The following COL15A1 variants were observed in gnomAD, a reference collection of about 807,000 sequenced individuals.
COL15A1 encodes the protein collagen alpha-1(XV) chain.
Under a neutral mutation model 165.9 loss-of-function variants are expected in COL15A1, and 111 were observed. The observed-to-expected ratio is 0.67, with a 90% CI of 0.57 to 0.78. The LOEUF is 0.78. Ranked by LOEUF, COL15A1 falls within the 30% of genes least tolerant of loss-of-function variation. The pLI is 0.00. For synonymous variants in COL15A1, 659 were observed against 674.8 expected, an observed-to-expected ratio of 0.98 and a Z score of 0.36; for missense variants, 1,745 against 1,789.7, an observed-to-expected ratio of 0.98 and a Z score of 0.45.
At chr9:99,040,794 C>T (rs1213477885) in intron 23 of COL15A1, 3 of 624,968 alleles carry the variant, frequency 4.8e-6, no homozygotes, top group Non-Finnish European at 8.0e-6. Flanking sequence ...GCTGGGATTA[C>T]AAGCATGAGC....
At chr9:98,969,641 G>A (rs1167728746) in intron 2 of COL15A1, among the ~76,000 whole-genome samples, 2 of 152,208 alleles carry the variant, frequency 1.3e-5, no homozygotes, top group African/African-American at 4.8e-5. Context: ...CAGCCATAGG[G>A]AGGGAGTCAG....
At chr9:99,069,462 A>G (rs1825950009) in intron 41 of COL15A1, among the ~76,000 whole-genome samples, 1 of 152,168 alleles carries the variant, frequency 6.6e-6, no homozygotes. Context: ...TCACAAAAGA[A>G]GAGGGTGTGA....
At chr9:99,015,137 G>A (rs1482656524) in intron 9 of COL15A1, among the ~76,000 whole-genome samples, 9 of 151,986 alleles carry the variant, frequency 5.9e-5, no homozygotes, top group African/African-American at 1.9e-4. Flanking sequence ...ATTGATTTGG[G>A]GATCCTGAGA....
intron 19 of COL15A1, among the ~76,000 whole-genome samples, chr9:99,035,782 G>A (rs1588526446): frequency 6.6e-6 from 1 of 152,010 alleles, no homozygotes; most frequent in Admixed American, 6.6e-5. Context: ...AAAGCCCTGT[G>A]CTCCTGGCAG....
chr9:98,946,748 A>C (rs1187747768), intron 2 of COL15A1, among the ~76,000 whole-genome samples: 4 of 152,246 alleles, frequency 2.6e-5, no homozygotes, highest in Non-Finnish European at 5.9e-5. Flanking sequence ...GAATGAGCTC[A>C]GTCAATCATC....
intron 2 of COL15A1, among the ~76,000 whole-genome samples, chr9:98,947,566 G>C (rs528763919): frequency 7.9e-5 from 12 of 152,182 alleles, no homozygotes; most frequent in Non-Finnish European, 1.6e-4. Context: ...TATTTTCCCA[G>C]AGCATCTAGG....
At chr9:99,025,652 G>C (rs551890129) in intron 15 of COL15A1, among the ~76,000 whole-genome samples, 1 of 152,284 alleles carries the variant, frequency 6.6e-6, no homozygotes, top group African/African-American at 2.4e-5. Flanking sequence ...AGACCATCTG[G>C]TCCAACCCTG....
chr9:98,977,784 T>C (rs1453043937), intron 2 of COL15A1, among the ~76,000 whole-genome samples: 2 of 152,164 alleles, frequency 1.3e-5, no homozygotes, highest in African/African-American at 2.4e-5. Flanking sequence ...GTTAAGCTTA[T>C]ACCTTGCATT....
chr9:98,954,377 C>T (rs1837742182), intron 2 of COL15A1, among the ~76,000 whole-genome samples: 1 of 152,128 alleles, frequency 6.6e-6, no homozygotes, highest in South Asian at 2.1e-4. Context: ...ATTTTCCACC[C>T]CTAAGTATGC....
chr9:98,990,359 A>G (rs755808174), intron 5 of COL15A1, among the ~76,000 whole-genome samples: 1 of 152,160 alleles, frequency 6.6e-6, no homozygotes, highest in Non-Finnish European at 1.5e-5. Context: ...AGTCCATCCC[A>G]AGGATGGCGG....
At chr9:99,013,351 G>C (rs554251735) in intron 9 of COL15A1, among the ~76,000 whole-genome samples, 2 of 152,188 alleles carry the variant, frequency 1.3e-5, no homozygotes, top group South Asian at 4.1e-4. Flanking sequence ...TCAGCTGGGA[G>C]GTGCAAAATG....
chr9:99,061,893 T>C, intron 36 of COL15A1, 78 bp from the exon 37 acceptor site: 1 of 1,519,504 alleles, frequency 6.6e-7, no homozygotes, highest in South Asian at 1.3e-5. Flanking sequence ...TAGTTGACTT[T>C]ACAGAGAGGC....
rs573189221 is a variant in COL15A1 at position 98,988,790 on chromosome 9, G to T, written c.724-388G>T. ...ATACAAAAATTAGCCCGGCGTGGTG[G>T]CGTGTGCTTGTAATCCCAGCTACTC... On this transcript the variant is annotated intron_variant, in intron 4 of 41. Coordinates refer to ENST00000375001, the MANE Select transcript of COL15A1 (RefSeq NM_001855.5). 3.0e-3 allele frequency among the ~76,000 whole-genome samples: 454 copies of T among 152,086 alleles called. 2 individuals carry two copies. The highest frequency in any genetic ancestry group is 0.01 in the African/African-American group (425 of 41,476).
intron 2 of COL15A1, among the ~76,000 whole-genome samples, chr9:98,946,160 G>A (rs566890248): frequency 3.3e-5 from 5 of 152,306 alleles, no homozygotes; most frequent in Admixed American, 2.0e-4. Context: ...CCAGGTGGAG[G>A]TGTGAACATG....
chr9:99,030,947 G>A (rs1839205423), intron 16 of COL15A1, among the ~76,000 whole-genome samples: 1 of 152,236 alleles, frequency 6.6e-6, no homozygotes, highest in African/African-American at 2.4e-5. Flanking sequence ...TTGGCATCCA[G>A]TTATTGGAGT....
intron 2 of COL15A1, among the ~76,000 whole-genome samples, chr9:98,976,112 C>A (rs1371235511): frequency 6.6e-6 from 1 of 152,170 alleles, no homozygotes; most frequent in East Asian, 1.9e-4. Context: ...GCTGCTTGAG[C>A]ACACATGTTC....
At chr9:99,045,122 A>G (rs60891605) in intron 26 of COL15A1, among the ~76,000 whole-genome samples, 1 of 152,070 alleles carries the variant, frequency 6.6e-6, no homozygotes, top group Admixed American at 6.5e-5. Flanking sequence ...GGGAGGGGGA[A>G]GAGATTGTGA....
At chr9:99,038,404 A>G (rs1467630956) in intron 21 of COL15A1, among the ~76,000 whole-genome samples, 1 of 152,236 alleles carries the variant, frequency 6.6e-6, no homozygotes, top group Non-Finnish European at 1.5e-5. Flanking sequence ...TGCATATAAT[A>G]TGTATATGTT....
chr9:99,024,272 TTTTTG>T (rs1472914366), intron 14 of COL15A1, among the ~76,000 whole-genome samples: 2 of 138,820 alleles, frequency 1.4e-5, no homozygotes, highest in African/African-American at 3.0e-5. Flanking sequence ...CAAGCAGTTT[TTTTTG>T]TTTTTTTGTT....
Sources: allele counts gnomAD v4.1 joint callset (sites outside exome capture counted in the v4.1 genomes callset), GRCh38; gene constraint gnomAD v4.1.1; transcripts MANE v1.5; gene names NCBI Gene and HGNC (gene_info 2026-07-23, HGNC 2026-07-21).